PSORS1C1: variants seen among roughly 807,000 people sequenced by gnomAD.
PSORS1C1 encodes the protein psoriasis susceptibility 1 candidate 1, also known as psoriasis susceptibility 1 candidate gene 1 protein.
In PSORS1C1, 7 loss-of-function variants were observed where a neutral mutation model predicts 9.4. That is an observed-to-expected ratio of 0.75 (90% confidence interval 0.42 to 1.40). The LOEUF (loss-of-function observed/expected upper bound fraction) is 1.40. Ranked by LOEUF, PSORS1C1 falls within the 40% of genes most tolerant of loss-of-function variation. The probability of loss-of-function intolerance (pLI) is 0.01; values close to 1 mark genes in which losing one functional copy is unlikely to be tolerated. For synonymous variants in PSORS1C1, 63 were observed against 69.4 expected (o/e 0.91, Z 0.46); for missense variants, 146 against 178.1 (o/e 0.82, Z 1.02).
intron 1 of PSORS1C1, among the ~76,000 whole-genome samples, chr6:31,123,972 C>T (rs971181206): frequency 1.4e-4 from 22 of 152,118 alleles, no homozygotes; most frequent in African/African-American, 4.8e-4. Flanking sequence ...GGCAGCCAGA[C>T]GTGGGGCCTT....
In PSORS1C1 at chr6:31,115,551, A is replaced by G. The variant is rs1042145; in HGVS notation, c.-229+660A>G. 97,879 of 172,142 alleles carry G rather than the reference A, an allele frequency of 0.57. 28,733 individuals are homozygous for G. Among genetic ancestry groups the G allele is most frequent in the East Asian group, 0.7 (4,373 of 6,250 alleles). 10.7% of individuals were successfully genotyped at this position (172,142 alleles called of 1,614,324 possible). A position where few individuals can be genotyped will look rare whatever the true frequency, so the allele number is the denominator to read the frequency against. ...GGGTGGGTTGACTAGATGTCGAAGA[A>G]AGGTCAGTGAAAAGTGGCCACTGTT... On this transcript the variant is annotated intron_variant, in intron 1 of 5. Transcript: ENST00000259881. This position sits in a 1 kb window ranked among gnomAD's most constrained non-coding sequence, Gnocchi z 4.2.
chr6:31,117,162 G>T (rs1317262219), intron 1 of PSORS1C1: 1 of 1,606,244 alleles, frequency 6.2e-7, no homozygotes, highest in Admixed American at 1.7e-5. Context: ...AATGAGAGCT[G>T]CTGCTTCCCG....
chr6:31,136,316 G>A (rs1773133880), intron 3 of PSORS1C1, among the ~76,000 whole-genome samples: 1 of 150,430 alleles, frequency 6.6e-6, no homozygotes, highest in African/African-American at 2.4e-5. Flanking sequence ...GAATCCAGGA[G>A]GCGAAGGTTG....
intron 1 of PSORS1C1, among the ~76,000 whole-genome samples, chr6:31,124,805 T>C (rs1772609006): frequency 6.6e-6 from 1 of 152,074 alleles, no homozygotes; most frequent in East Asian, 1.9e-4. Context: ...CCATCTCTAC[T>C]AAAAATACAA....
chr6:31,132,445 T>A (rs938760346), intron 3 of PSORS1C1, among the ~76,000 whole-genome samples: 1 of 126,496 alleles, frequency 7.9e-6, no homozygotes, highest in African/African-American at 2.7e-5. Flanking sequence ...TCGCTTGAAC[T>A]CAGGAGGCGG....
intron 1 of PSORS1C1, among the ~76,000 whole-genome samples, chr6:31,120,040 A>T (rs1772372448): frequency 6.6e-6 from 1 of 152,216 alleles, no homozygotes; most frequent in Non-Finnish European, 1.5e-5. Flanking sequence ...TGCTCCCATA[A>T]TAAAAATCAC....
intron 1 of PSORS1C1, chr6:31,120,389 G>T (rs371644590): frequency 2.5e-6 from 4 of 1,593,080 alleles, no homozygotes; most frequent in Non-Finnish European, 3.4e-6. Flanking sequence ...CCACCCACAC[G>T]CCCCATCCAG....
intron 1 of PSORS1C1, among the ~76,000 whole-genome samples, chr6:31,124,675 T>C (rs1376652765): frequency 6.6e-6 from 1 of 152,214 alleles, no homozygotes; most frequent in Non-Finnish European, 1.5e-5. Flanking sequence ...AGAAGATTTC[T>C]GCTGTCAAAG....
At chr6:31,116,104 G>C in intron 1 of PSORS1C1, 7 of 1,611,848 alleles carry the variant, frequency 4.3e-6, no homozygotes, top group Non-Finnish European at 5.9e-6. Context: ...CTTCACTTGG[G>C]CTAGGATATC....
At position 31,139,778 on chromosome 6, in the gene PSORS1C1, C is replaced by T. The variant is rs748031333; in HGVS notation, c.305C>T (p.Pro102Leu). ...SHPELFASVL[P>L]MAPEEAARLQ... ...CCAGAGCTGTTTGCATCAGTCCTGC[C>T]AATGGCTCCGGAAGAAGCTGCCAGG... is the stretch of plus-strand genomic sequence containing the variant. Residue 102 changes from proline to leucine, a missense_variant, in exon 6 of 6, where the codon CCA becomes CTA. Pro to Leu is a moderately conservative substitution (Grantham distance 98). Coordinates refer to ENST00000259881, the MANE Select transcript of PSORS1C1 (RefSeq NM_014068.3). This position sits in a 1 kb window ranked among gnomAD's most constrained non-coding sequence, Gnocchi z 5.2. 6.2e-7 allele frequency: 1 copy of T among 1,613,094 alleles called. No homozygotes were observed. The highest frequency in any genetic ancestry group is 1.7e-5 in the Admixed American group (1 of 60,016).
chr6:31,126,633 C>A (rs1772692209), intron 2 of PSORS1C1, among the ~76,000 whole-genome samples: 1 of 152,242 alleles, frequency 6.6e-6, no homozygotes, highest in African/African-American at 2.4e-5. Flanking sequence ...TCCCAGCAGC[C>A]CTGCCAGCCT....
intron 3 of PSORS1C1, among the ~76,000 whole-genome samples, chr6:31,135,902 A>G (rs930363276): frequency 1.1e-4 from 17 of 152,140 alleles, no homozygotes; most frequent in African/African-American, 3.4e-4. Flanking sequence ...CTAAACAAAT[A>G]CAAAAAATTA....
chr6:31,137,178 C>T (rs1199415477), intron 3 of PSORS1C1, among the ~76,000 whole-genome samples: 1 of 149,216 alleles, frequency 6.7e-6, no homozygotes, highest in Non-Finnish European at 1.5e-5. Context: ...AGAAAGAGGC[C>T]GGGCGCTGTG....
At chr6:31,117,336 G>A (rs754976148) in intron 1 of PSORS1C1, 8 of 1,577,436 alleles carry the variant, frequency 5.1e-6, no homozygotes, top group East Asian at 2.3e-5. Flanking sequence ...TGCTGGATCC[G>A]CTGGAGCTAC....
At position 31,140,025 on chromosome 6, in the gene PSORS1C1, T is replaced by C; in HGVS notation, c.*93T>C. 2 of 1,265,766 alleles carry C rather than the reference T, an allele frequency of 1.6e-6. No homozygotes were observed. Among genetic ancestry groups the C allele is most frequent in the Admixed American group, 2.0e-5 (1 of 49,872 alleles). 78.4% of individuals were successfully genotyped at this position (1,265,766 alleles called of 1,614,324 possible). On this transcript the variant is annotated 3_prime_UTR_variant, in exon 6 of 6. Transcript: ENST00000259881. This position sits in a 1 kb window ranked among gnomAD's most constrained non-coding sequence, Gnocchi z 4.6. ...CAGAAGTAACATGTCCAAAATAAAA[T>C]TTGATTCCTCCCAGGTTGTTCCCTG... is the stretch of plus-strand genomic sequence containing the variant.
At position 31,138,747 on chromosome 6, in the gene PSORS1C1, A is replaced by G. The variant is rs1428339023; in HGVS notation, c.135A>G (p.Arg45=). 2 of 1,614,018 alleles carry G rather than the reference A, an allele frequency of 1.2e-6. No individual in the cohort carries two copies. Among genetic ancestry groups the G allele is most frequent in the Non-Finnish European group, 1.7e-6 (2 of 1,179,982 alleles). The change falls in exon 5 of 6, where the codon CGA becomes CGG. Residue 45 remains arginine, a synonymous_variant. Coordinates refer to ENST00000259881, the MANE Select transcript of PSORS1C1 (RefSeq NM_014068.3). ...ETRPPHVNPD[R]LCHMEPANHF... Reference sequence around the variant, plus strand: ...GTCCCCCCCACGTTAATCCTGACCGACTTTGCCACATGGAGCCAGCAAACC... The same window carrying G: ...GTCCCCCCCACGTTAATCCTGACCGGCTTTGCCACATGGAGCCAGCAAACC...
intron 1 of PSORS1C1, among the ~76,000 whole-genome samples, chr6:31,120,794 C>G (rs1276031002): frequency 1.3e-5 from 2 of 152,158 alleles, no homozygotes; most frequent in African/African-American, 4.8e-5. Context: ...AACTCTCCTG[C>G]CTACCGTAGC....
In PSORS1C1 at chr6:31,117,227, C is replaced by A. The variant is rs199588644; in HGVS notation, c.-229+2336C>A. 3.1e-6 allele frequency: 5 copies of A among 1,613,468 alleles called. No homozygotes were observed. The highest frequency in any genetic ancestry group is 1.7e-5 in the Admixed American group (1 of 59,988). On this transcript the variant is annotated intron_variant, in intron 1 of 5. Transcript: ENST00000259881. The stretch of plus-strand genomic sequence containing the variant: ...CTGCTGCTCCCCAGCTGGGAGGAAC[C>A]GGATGCACCTTGTAGACTAGAGCCA...
intron 1 of PSORS1C1, among the ~76,000 whole-genome samples, chr6:31,123,304 T>C (rs2150964234): frequency 6.6e-6 from 1 of 152,350 alleles, no homozygotes; most frequent in Admixed American, 6.5e-5. Flanking sequence ...GCCGTGCTTT[T>C]GGTTTTTTAC....
Sources: gnomAD v4.1 joint callset for allele counts (sites outside exome capture counted in the v4.1 genomes callset) on GRCh38, gnomAD v4.1.1 for gene constraint, Gnocchi (gnomAD v3.1) non-coding constraint, MANE v1.5 for transcripts, NCBI Gene and HGNC (gene_info 2026-07-23, HGNC 2026-07-21) for gene names.